The following RBM47 variants were observed in gnomAD, a reference collection of about 807,000 sequenced individuals.
RBM47 encodes the protein RNA binding motif protein 47, also known as RNA-binding protein 47.
RBM47 carries 21 observed loss-of-function variants against 47.1 expected under a neutral mutation model. The ratio of observed to expected loss-of-function variants is 0.45; its 90% CI spans 0.32 to 0.64. The LOEUF is 0.64. Ranked by LOEUF, RBM47 falls within the 30% of genes least tolerant of loss-of-function variation. The pLI is 0.05. For missense variants in RBM47, 708 were observed against 870.9 expected (o/e 0.81, Z 2.35); for synonymous variants, 375 against 361.7 (o/e 1.04, Z -0.42).
chr4:40,588,965 G>A (rs1158866513), intron 1 of RBM47, among the ~76,000 whole-genome samples: 1 of 147,984 alleles, frequency 6.8e-6, no homozygotes, highest in Non-Finnish European at 1.5e-5. Context: ...GGGGAAAGAG[G>A]TTAGAGGAAT....
intron 1 of RBM47, among the ~76,000 whole-genome samples, chr4:40,623,411 G>A (rs1453078238): frequency 1.3e-5 from 2 of 152,146 alleles, no homozygotes; most frequent in Admixed American, 1.3e-4. Context: ...GTAACTAAGA[G>A]TACACTGTCA....
At chr4:40,623,223 T>C (rs768014737) in intron 1 of RBM47, among the ~76,000 whole-genome samples, 7 of 152,210 alleles carry the variant, frequency 4.6e-5, no homozygotes, top group Non-Finnish European at 1.0e-4. Flanking sequence ...AGGTAGATGC[T>C]GGAGCCCACA....
chr4:40,426,538 T>C (rs544335456), intron 6 of RBM47, among the ~76,000 whole-genome samples: 12 of 152,218 alleles, frequency 7.9e-5, no homozygotes, highest in African/African-American at 2.9e-4. Context: ...CTGTATACTG[T>C]AAAAAAATTT....
chr4:40,522,563 C>T (rs1322966029), intron 2 of RBM47, among the ~76,000 whole-genome samples: 4 of 152,070 alleles, frequency 2.6e-5, no homozygotes, highest in African/African-American at 9.7e-5. Flanking sequence ...GGTTTAGTAT[C>T]AAAGAAGAAT....
chr4:40,438,559 C>A lies in RBM47; in HGVS notation c.335G>T (p.Gly112Val). ...LMMDFDGKNR[G>V]YAFVMYCHKH... ...GTGGCAGTACATGACGAAGGCGTAG[C>A]CGCGGTTCTTGCCGTCAAAGTCCAT... Residue 112 changes from glycine to valine, a missense_variant, in exon 4 of 7, where the codon GGC becomes GTC. By Grantham distance (109) the Gly-to-Val change is moderately radical. Coordinates refer to ENST00000295971, the MANE Select transcript of RBM47 (RefSeq NM_001098634.2). 1 of 1,613,918 alleles carries A rather than the reference C, an allele frequency of 6.2e-7. No individual in the cohort carries two copies. Among genetic ancestry groups the A allele is most frequent in the Non-Finnish European group, 8.5e-7 (1 of 1,179,974 alleles).
intron 2 of RBM47, among the ~76,000 whole-genome samples, chr4:40,529,237 T>G (rs1014065740): frequency 1.3e-5 from 2 of 151,946 alleles, no homozygotes; most frequent in African/African-American, 4.8e-5. Flanking sequence ...CTGGGCGAGG[T>G]GGCTCACGCC....
chr4:40,454,116 G>T (rs1387061038), intron 3 of RBM47, among the ~76,000 whole-genome samples: 1 of 152,186 alleles, frequency 6.6e-6, no homozygotes, highest in Non-Finnish European at 1.5e-5. Flanking sequence ...GTCTGTGGCT[G>T]CATTTATGGG....
chr4:40,480,398 T>TTAC (rs2154241275), intron 2 of RBM47, among the ~76,000 whole-genome samples: 1 of 152,272 alleles, frequency 6.6e-6, no homozygotes, highest in Admixed American at 6.5e-5. Context: ...GAGATCACAC[T>TTAC]TTACCGCCTC....
intron 4 of RBM47, chr4:40,436,987 C>T (rs1268644891): frequency 1.0e-5 from 4 of 396,180 alleles, no homozygotes; most frequent in African/African-American, 9.2e-5. Flanking sequence ...TGCCTGTAAT[C>T]CCAGCACTTT....
rs780243293 is a variant in RBM47, at chr4:40,572,247, G to T, written c.-239-27741C>A. Among the ~76,000 whole-genome samples, 14 of 151,366 alleles carry T rather than the reference G, an allele frequency of 9.2e-5. 1 individual carries two copies. Among genetic ancestry groups the T allele is most frequent in the Non-Finnish European group, 1.6e-4 (11 of 67,748 alleles). ...AAAATACAAAAATTAGCTGGACCTC[G>T]TGGCATCCGCCTGTAATCCTTGCCA... On this transcript the variant is annotated intron_variant, in intron 1 of 6. Coordinates refer to ENST00000295971, the MANE Select transcript of RBM47 (RefSeq NM_001098634.2).
chr4:40,545,452 T>A (rs1728940520), intron 1 of RBM47, among the ~76,000 whole-genome samples: 1 of 148,070 alleles, frequency 6.8e-6, no homozygotes, highest in South Asian at 2.1e-4. Context: ...TCACCTGAGG[T>A]CAGGAGTTCA....
At chr4:40,535,458 G>A (rs182305606) in intron 2 of RBM47, among the ~76,000 whole-genome samples, 8 of 135,382 alleles carry the variant, frequency 5.9e-5, no homozygotes, top group East Asian at 4.6e-4. Context: ...TGCAACCTCC[G>A]CCTCCCGGGT....
At chr4:40,451,733 T>C (rs904983545) in intron 3 of RBM47, among the ~76,000 whole-genome samples, 14 of 152,196 alleles carry the variant, frequency 9.2e-5, no homozygotes, top group Non-Finnish European at 1.9e-4. Flanking sequence ...TAAACAATAT[T>C]TGCATATGAA....
At chr4:40,592,929 T>G (rs1290148959) in intron 1 of RBM47, among the ~76,000 whole-genome samples, 3 of 111,372 alleles carry the variant, frequency 2.7e-5, no homozygotes, top group Admixed American at 1.1e-4. Context: ...ATGCAAACAA[T>G]TTGGGACATA....
At position 40,436,002 on chromosome 4, in the gene RBM47, CAAAAAA is replaced by C. The variant is rs11452583; in HGVS notation, c.1330+433_1330+438del. 1.0e-3 allele frequency among the ~76,000 whole-genome samples: 112 copies of C among 111,324 alleles called. 1 individual carries two copies. Among genetic ancestry groups the C allele is most frequent in the African/African-American group, 3.6e-3 (101 of 28,140 alleles). 73.0% of individuals were successfully genotyped at this position (111,324 alleles called of 152,430 possible). A position where few individuals can be genotyped will look rare whatever the true frequency, so the allele number is the denominator to read the frequency against. ...TGAAACCCCATCTCTACTAAAAATA[CAAAAAA>C]AAAAAAAAAAAAAATTAGCCGGGCA... is the stretch of plus-strand genomic sequence containing the variant. On this transcript the variant is annotated intron_variant, in intron 5 of 6. Transcript: ENST00000295971.
At chr4:40,454,559 A>G (rs897974268) in intron 3 of RBM47, among the ~76,000 whole-genome samples, 47 of 152,196 alleles carry the variant, frequency 3.1e-4, no homozygotes, top group African/African-American at 1.1e-3. Context: ...GTGCAGTGGC[A>G]CCATCTCAGC....
In RBM47 at chr4:40,600,612, C is replaced by T. The variant is rs143377193; in HGVS notation, c.-240+28784G>A. 3.4e-4 allele frequency among the ~76,000 whole-genome samples: 49 copies of T among 145,244 alleles called. 1 individual carries two copies. The East Asian group carries it at 6.8e-3, about 20-fold the overall frequency. On this transcript the variant is annotated intron_variant, in intron 1 of 6. Coordinates refer to ENST00000295971, the MANE Select transcript of RBM47 (RefSeq NM_001098634.2). ...TCGCTCCACTGCACTCCAGCCTGGG[C>T]GACAGAGCGAGGCTCCGTCTCAAAA...
At chr4:40,572,238 C>A (rs1731798654) in intron 1 of RBM47, among the ~76,000 whole-genome samples, 1 of 151,464 alleles carries the variant, frequency 6.6e-6, no homozygotes, top group Non-Finnish European at 1.5e-5. Flanking sequence ...CAAAAATTAG[C>A]TGGACCTCGT....
chr4:40,485,796 A>G (rs1286009150), intron 2 of RBM47, among the ~76,000 whole-genome samples: 2 of 151,696 alleles, frequency 1.3e-5, no homozygotes, highest in African/African-American at 4.8e-5. Flanking sequence ...AGGGTGGCTC[A>G]CTCATGTAAT....
Sources: allele counts gnomAD v4.1 joint callset (sites outside exome capture counted in the v4.1 genomes callset), GRCh38; gene constraint gnomAD v4.1.1; transcripts MANE v1.5; gene names NCBI Gene and HGNC (gene_info 2026-07-23, HGNC 2026-07-21).